Variants in LOC400499 observed in about 807,000 individuals in gnomAD.
the LOC400499 span, among the ~76,000 whole-genome samples, chr16:11,496,774 C>T: frequency 6.6e-6 from 1 of 152,152 alleles, no homozygotes; most frequent in South Asian, 2.1e-4. Flanking sequence ...ACACGTCCCA[C>T]TGGGTGAGTG....
At chr16:11,501,494 C>T in the LOC400499 span, among the ~76,000 whole-genome samples, 2 of 152,074 alleles carry the variant, frequency 1.3e-5, no homozygotes, top group Admixed American at 6.5e-5. Flanking sequence ...GTAGCTGGGA[C>T]CACAAGTGTT....
At chr16:11,379,317 T>C in the LOC400499 span, among the ~76,000 whole-genome samples, 1 of 152,258 alleles carries the variant, frequency 6.6e-6, no homozygotes, top group Non-Finnish European at 1.5e-5. Context: ...CCTTTCATTC[T>C]ACAGTGTTTG....
the LOC400499 span, chr16:11,390,505 G>A: frequency 2.4e-6 from 3 of 1,231,870 alleles, no homozygotes; most frequent in Non-Finnish European, 3.0e-6. Flanking sequence ...CCTCAGGGCA[G>A]GTCAGAGAAC....
chr16:11,406,784 G>A, the LOC400499 span, among the ~76,000 whole-genome samples: 1 of 152,230 alleles, frequency 6.6e-6, no homozygotes, highest in Non-Finnish European at 1.5e-5. Flanking sequence ...TAGCTCATGT[G>A]TCGTCTCTTC....
At chr16:11,481,945 G>A in the LOC400499 span, among the ~76,000 whole-genome samples, 13 of 152,168 alleles carry the variant, frequency 8.5e-5, no homozygotes, top group Non-Finnish European at 1.8e-4. Flanking sequence ...AATTGCTCAC[G>A]TTAAAATGGT....
chr16:11,405,731 C>G, the LOC400499 span, among the ~76,000 whole-genome samples: 1 of 152,172 alleles, frequency 6.6e-6, no homozygotes, highest in Non-Finnish European at 1.5e-5. Flanking sequence ...ATGGGGCTTC[C>G]TCACTGCTCA....
the LOC400499 span, among the ~76,000 whole-genome samples, chr16:11,381,448 G>C: frequency 6.6e-6 from 1 of 152,106 alleles, no homozygotes; most frequent in African/African-American, 2.4e-5. Context: ...TGAGTCTCTA[G>C]AGATGAGTCC....
chr16:11,513,098 T>C, the LOC400499 span, among the ~76,000 whole-genome samples: 2 of 152,196 alleles, frequency 1.3e-5, no homozygotes, highest in Non-Finnish European at 2.9e-5. Flanking sequence ...AGGTCACTTA[T>C]ACGAAAAATT....
chr16:11,416,752 G>A, the LOC400499 span, among the ~76,000 whole-genome samples: 1 of 152,196 alleles, frequency 6.6e-6, no homozygotes, highest in Non-Finnish European at 1.5e-5. Context: ...GAGGGAGCCA[G>A]GCAGGCGTGT....
At chr16:11,493,032 G>A in the LOC400499 span, among the ~76,000 whole-genome samples, 1 of 152,274 alleles carries the variant, frequency 6.6e-6, no homozygotes, top group African/African-American at 2.4e-5. Context: ...AGGGTCACAA[G>A]TGTTTGAGGA....
chr16:11,519,564 C>T, the LOC400499 span, among the ~76,000 whole-genome samples: 128 of 152,074 alleles, frequency 8.4e-4, no homozygotes, highest in Non-Finnish European at 1.5e-3. Flanking sequence ...TGGTGGAACC[C>T]CATCTCTATT....
the LOC400499 span, among the ~76,000 whole-genome samples, chr16:11,385,621 G>T: frequency 6.6e-6 from 1 of 152,224 alleles, no homozygotes; most frequent in African/African-American, 2.4e-5. Flanking sequence ...AGGTCTACTG[G>T]CAATTCAGCC....
the LOC400499 span, among the ~76,000 whole-genome samples, chr16:11,457,977 G>A: frequency 6.6e-6 from 1 of 152,222 alleles, no homozygotes; most frequent in Non-Finnish European, 1.5e-5. Context: ...CGAGGCAGGT[G>A]GATCACCTGG....
At chr16:11,456,880 C>G in the LOC400499 span, 2 of 1,536,250 alleles carry the variant, frequency 1.3e-6, no homozygotes, top group Non-Finnish European at 1.7e-6. Flanking sequence ...CACAGGGTGG[C>G]CCGAGATGTG....
chr16:11,410,054 G>A, the LOC400499 span, among the ~76,000 whole-genome samples: 1 of 152,230 alleles, frequency 6.6e-6, no homozygotes. Flanking sequence ...TGAGGCAGGA[G>A]GATCACTTGC....
At chr16:11,392,952 C>A in the LOC400499 span, among the ~76,000 whole-genome samples, 2 of 152,206 alleles carry the variant, frequency 1.3e-5, no homozygotes, top group Non-Finnish European at 2.9e-5. Flanking sequence ...TTCCCGGGTT[C>A]ACGCCATTCT....
the LOC400499 span, among the ~76,000 whole-genome samples, chr16:11,513,274 G>A: frequency 6.6e-6 from 1 of 151,962 alleles, no homozygotes; most frequent in African/African-American, 2.4e-5. Context: ...GCATGGTGCT[G>A]TGCACCTGTA....
the LOC400499 span, among the ~76,000 whole-genome samples, chr16:11,509,125 T>TC: frequency 2.0e-5 from 3 of 148,962 alleles, no homozygotes; most frequent in Non-Finnish European, 3.0e-5. Flanking sequence ...TTTTTCTTTT[T>TC]TTTTTTTTTT....
chr16:11,431,438 C>T, the LOC400499 span, among the ~76,000 whole-genome samples: 1 of 152,086 alleles, frequency 6.6e-6, no homozygotes, highest in African/African-American at 2.4e-5. Context: ...GACAGAGTGA[C>T]TCTGTCACCC....
Sources: allele counts gnomAD v4.1 joint callset (sites outside exome capture counted in the v4.1 genomes callset), GRCh38; gene constraint gnomAD v4.1.1; transcripts MANE v1.5.